CGN: variants seen among roughly 807,000 people sequenced by gnomAD.
CGN encodes cingulin.
In CGN, 121 loss-of-function variants were observed where a neutral mutation model predicts 157.1. The ratio of observed to expected loss-of-function variants is 0.77; its 90% CI spans 0.66 to 0.90. The LOEUF is 0.90. Among genes scored for constraint, CGN ranks in the 40% least tolerant of loss-of-function variants. The probability of loss-of-function intolerance (pLI) is 0.00; values close to 1 mark genes in which losing one functional copy is unlikely to be tolerated. For missense variants in CGN, 1,424 were observed against 1,520.9 expected (o/e 0.94, Z 1.06); for synonymous variants, 535 against 607.5 (o/e 0.88, Z 1.76).
In CGN at chr1:151,523,247, A is replaced by G. The variant is rs1259030152; in HGVS notation, c.1141-187A>G. ...GAAATGTCAGATAATTTGTGAACAT[A>G]TTTTACATCATCACAAGTACCAAGG... is the stretch of plus-strand genomic sequence containing the variant. On this transcript the variant is annotated intron_variant, in intron 5 of 20. Transcript: ENST00000271636. Among the ~76,000 whole-genome samples the G allele has an allele frequency of 3.9e-5, 6 of 152,226 alleles. No homozygotes were observed. The South Asian group carries it at 8.3e-4, about 21-fold the overall frequency.
chr1:151,519,471 C>G (rs1664492098), intron 2 of CGN, 79 bp downstream of exon 2: 9 of 1,306,802 alleles, frequency 6.9e-6, no homozygotes, highest in Non-Finnish European at 9.3e-6. Context: ...CAGCCATGAG[C>G]CTCCTTGCTA....
In CGN at chr1:151,524,217, T is replaced by C; in HGVS notation, c.1269-9T>C. On this transcript the variant is annotated splice_polypyrimidine_tract_variant and intron_variant, in intron 6 of 20. Transcript: ENST00000271636. This position sits in a 1 kb window ranked among gnomAD's most constrained non-coding sequence, Gnocchi z 4.4. ...ACACATAGTGTGCAATAATGTTATC[T>C]ATTATTAGGCTCCAGAACATGAAGC... 2 of 1,607,056 alleles carry C rather than the reference T, an allele frequency of 1.2e-6. No individual in the cohort carries two copies. The highest frequency in any genetic ancestry group is 8.5e-7 in the Non-Finnish European group (1 of 1,174,638).
At chr1:151,530,375 A>T in intron 12 of CGN, 114 bp from the exon 13 acceptor site, 2 of 1,309,344 alleles carry the variant, frequency 1.5e-6, no homozygotes, top group Non-Finnish European at 2.1e-6. Flanking sequence ...GCCTGTTTTC[A>T]TTGCACATCA....
intron 14 of CGN, 38 bp downstream of exon 14, chr1:151,532,610 C>CAA: frequency 2.9e-4 from 304 of 1,065,992 alleles, no homozygotes; most frequent in Non-Finnish European, 3.5e-4. Context: ...AGGTCCTTGC[C>CAA]TCTTTTTTTT....
rs1469701098 is a variant in CGN, at chr1:151,511,445, C to CGAGCCG, written c.-80_-79insGGAGCC. Reference sequence around the variant, plus strand: ...CTGCGCGTGCTGCTTTGCCCGAGCCCGAGCCCGAGCCCGAGCCCGAGCCCG... The same window carrying CGAGCCG: ...CTGCGCGTGCTGCTTTGCCCGAGCCCGAGCCGGAGCCCGAGCCCGAGCCCGAGCCCG... On this transcript the variant is annotated 5_prime_UTR_variant, in exon 1 of 21. Transcript: ENST00000271636. This position sits in a 1 kb window ranked among gnomAD's most constrained non-coding sequence, Gnocchi z 4.8. 5.6e-6 allele frequency: 1 copy of CGAGCCG among 177,632 alleles called. No individual in the cohort carries two copies. Among genetic ancestry groups the CGAGCCG allele is most frequent in the African/African-American group, 2.5e-5 (1 of 40,092 alleles). The allele number at this position is 177,632 out of a possible 1,614,324, so 11.0% of individuals were successfully genotyped here.
chr1:151,525,961 C>T (rs1186079430), intron 9 of CGN, among the ~76,000 whole-genome samples, 171 bp downstream of exon 9: 1 of 152,110 alleles, frequency 6.6e-6, no homozygotes, highest in Non-Finnish European at 1.5e-5. Flanking sequence ...CAACCTCTGC[C>T]TCCTGAGTTG....
At chr1:151,514,251 A>T (rs1322565053) in intron 1 of CGN, among the ~76,000 whole-genome samples, 2 of 152,142 alleles carry the variant, frequency 1.3e-5, no homozygotes, top group Non-Finnish European at 2.9e-5. Context: ...CCTCTGAATA[A>T]TTTAGTGCTG....
intron 1 of CGN, among the ~76,000 whole-genome samples, chr1:151,517,115 G>A (rs926083401): frequency 2.0e-5 from 3 of 151,962 alleles, no homozygotes; most frequent in Non-Finnish European, 2.9e-5. Flanking sequence ...CCAAGATCAC[G>A]CCATTGCACT....
rs752209462 is a variant in CGN at position 151,535,108 on chromosome 1, C to G, written c.2971C>G (p.Arg991Gly). ...EKNTVELLTD[R>G]VNRGRDQVDQ... is the part of the protein sequence containing the mutation. ...GAACACCGTGGAGCTGCTAACAGAT[C>G]GGGTGAATCGTGGCCGGGACCAGGT... Residue 991 changes from arginine (R) to glycine (G), a missense_variant, in exon 16 of 21, where the codon CGG becomes GGG. Physicochemically the swap from Arg to Gly is moderately radical, Grantham distance 125 (BLOSUM62 -2). This residue lies in a region of CGN where 199 missense variants were observed against 272.2 expected (regional missense o/e 0.73). Transcript: ENST00000271636. 1.2e-6 allele frequency: 2 copies of G among 1,613,844 alleles called. No homozygotes were observed. The highest frequency in any genetic ancestry group is 1.1e-5 in the South Asian group (1 of 91,034).
Position 151,520,282 on chromosome 1 carries a change from C to G in CGN, c.974+16C>G. 2 of 1,601,040 alleles carry G rather than the reference C, an allele frequency of 1.2e-6. No individual in the cohort carries two copies. Among genetic ancestry groups the G allele is most frequent in the Non-Finnish European group, 1.7e-6 (2 of 1,168,926 alleles). On this transcript the variant is annotated intron_variant, in intron 3 of 20. Transcript: ENST00000271636. The stretch of plus-strand genomic sequence containing the variant: ...TGAGGGAGGGGTGAGTGGGGGCCCC[C>G]CCAACAACAGAGGCATACCCCTCCT...
chr1:151,527,192 G>A (rs769342712), intron 10 of CGN, 85 bp downstream of exon 10: 10 of 1,484,200 alleles, frequency 6.7e-6, no homozygotes, highest in South Asian at 2.3e-5. Context: ...TTGCTAGTGG[G>A]GCTATCTCCT....
At chr1:151,523,616 G>A in intron 6 of CGN, 55 bp downstream of exon 6, 1 of 1,506,860 alleles carries the variant, frequency 6.6e-7, no homozygotes. Context: ...GCCAGGTTTA[G>A]AGGCCACTCC....
At chr1:151,530,893 C>G in intron 13 of CGN, 147 bp downstream of exon 13, 1 of 853,168 alleles carries the variant, frequency 1.2e-6, no homozygotes, top group Non-Finnish European at 1.8e-6. Context: ...GTAATTCCAG[C>G]ACTTTGAGAG....
chr1:151,534,615 A>C (rs1664914911), intron 15 of CGN: 2 of 236,084 alleles, frequency 8.5e-6, no homozygotes, highest in Non-Finnish European at 1.7e-5. Context: ...ACTGCCAGGA[A>C]GTGGTAAATC....
Position 151,518,512 on chromosome 1 carries a change from T to A in CGN, c.-8T>A. The A allele has an allele frequency of 1.9e-6, 3 of 1,595,560 alleles. No individual in the cohort carries two copies. Among genetic ancestry groups the A allele is most frequent in the Non-Finnish European group, 2.6e-6 (3 of 1,167,284 alleles). The stretch of plus-strand genomic sequence containing the variant: ...TCATTTCTTCATCTTCTAGGACTCC[T>A]CCTATTTATGGAGCAGGCACCCAAC... On this transcript the variant is annotated 5_prime_UTR_variant, in exon 2 of 21. Coordinates refer to ENST00000271636, the MANE Select transcript of CGN (RefSeq NM_020770.3).
Position 151,524,685 on chromosome 1 carries a change from GACCCGGGA to G in CGN, c.1416_1423del (p.Arg473SerfsTer37). ...TTTATTTTCTCCAGGACCTGTTAGA[GACCCGGGA>G]ACTTCTGGAAGAGGTCTTGGAGGGG... On this transcript the variant is annotated frameshift_variant, in exon 8 of 21. Transcript: ENST00000271636. LOFTEE classifies it high-confidence loss of function. The surrounding 1 kb of genome is among the most constrained non-coding windows in gnomAD (Gnocchi z 4.4). 1 of 1,607,326 alleles carries G rather than the reference GACCCGGGA, an allele frequency of 6.2e-7. No homozygotes were observed. The highest frequency in any genetic ancestry group is 8.5e-7 in the Non-Finnish European group (1 of 1,178,588).
intron 1 of CGN, 64 bp from the exon 2 acceptor site, chr1:151,518,442 C>A: frequency 7.2e-7 from 1 of 1,384,570 alleles, no homozygotes; most frequent in Non-Finnish European, 9.9e-7. Flanking sequence ...AGTCAGCCCG[C>A]AGGTAGAAGT....
chr1:151,515,212 G>A (rs944514386), intron 1 of CGN, among the ~76,000 whole-genome samples: 2 of 151,900 alleles, frequency 1.3e-5, no homozygotes, highest in African/African-American at 2.4e-5. Flanking sequence ...CATGTTGGCC[G>A]GGCTGTTATT....
intron 14 of CGN, 62 bp from the exon 15 acceptor site, chr1:151,533,913 C>T: frequency 6.7e-7 from 1 of 1,483,054 alleles, no homozygotes; most frequent in Non-Finnish European, 9.1e-7. Context: ...CTGGACTGCT[C>T]CTGCCCCTCA....
Sources: allele counts gnomAD v4.1 joint callset (sites outside exome capture counted in the v4.1 genomes callset), GRCh38; gene constraint gnomAD v4.1.1; regional missense constraint gnomAD v4.1.1; non-coding constraint Gnocchi (gnomAD v3.1); transcripts MANE v1.5; gene names NCBI Gene and HGNC (gene_info 2026-07-23, HGNC 2026-07-21).